The following FLNB variants were observed in gnomAD, a reference collection of about 807,000 sequenced individuals.
FLNB encodes the protein filamin B, also known as filamin-B.
In FLNB, 111 loss-of-function variants were observed where a neutral mutation model predicts 250.6. The observed-to-expected ratio is 0.44, with a 90% CI of 0.38 to 0.52. The LOEUF (loss-of-function observed/expected upper bound fraction) is 0.52. Among genes scored for constraint, FLNB ranks in the 20% least tolerant of loss-of-function variants. The probability of loss-of-function intolerance (pLI) is 0.00; values close to 1 mark genes in which losing one functional copy is unlikely to be tolerated. For missense variants in FLNB, 2,869 were observed against 3,447.8 expected (o/e 0.83, Z 4.20); for synonymous variants, 1,302 against 1,372.1 (o/e 0.95, Z 1.13).
intron 4 of FLNB, among the ~76,000 whole-genome samples, chr3:58,094,556 C>G (rs958947642): frequency 6.6e-6 from 1 of 152,262 alleles, no homozygotes; most frequent in Non-Finnish European, 1.5e-5. Context: ...TCAAGGCAAG[C>G]TCTGCTACTA....
At chr3:58,071,352 C>T (rs1334563536) in intron 1 of FLNB, among the ~76,000 whole-genome samples, 1 of 147,404 alleles carries the variant, frequency 6.8e-6, no homozygotes. Flanking sequence ...GATCTTGGCT[C>T]ACTGTAGCCT....
intron 16 of FLNB, among the ~76,000 whole-genome samples, chr3:58,111,457 C>A (rs904294882): frequency 6.6e-6 from 1 of 152,152 alleles, no homozygotes; most frequent in African/African-American, 2.4e-5. Flanking sequence ...ACATTTCCTT[C>A]CCCCAGCCCC....
At chr3:58,061,979 T>G (rs1362006125) in intron 1 of FLNB, among the ~76,000 whole-genome samples, 1 of 151,612 alleles carries the variant, frequency 6.6e-6, no homozygotes, top group Non-Finnish European at 1.5e-5. Context: ...TAATCCCAGC[T>G]ACTTGGGAGG....
Position 58,163,184 on chromosome 3 carries a change from A to G in FLNB, c.7052A>G (p.Glu2351Gly), listed in dbSNP as rs2097364533. 6.2e-7 allele frequency: 1 copy of G among 1,614,192 alleles called. No homozygotes were observed. The highest frequency in any genetic ancestry group is 2.2e-5 in the East Asian group (1 of 44,886). The change falls in exon 43 of 46, where the codon GAG becomes GGG. Residue 2351 changes from glutamate to glycine, a missense_variant. Glu to Gly is a moderately conservative substitution (Grantham distance 98). Around this residue, in one of 5 missense-constraint regions of FLNB, gnomAD observed 1,084 missense variants for 1,315.5 expected, o/e 0.82. Coordinates refer to ENST00000295956, the MANE Select transcript of FLNB (RefSeq NM_001457.4). ...TATGCTGTTCGCTTCATCCCTCATG[A>G]GAATGGTGTCCACACCATCGATGTC... Reference protein sequence around the residue: ...DKYAVRFIPHENGVHTIDVKF... With the variant: ...DKYAVRFIPHGNGVHTIDVKF...
In FLNB at chr3:58,094,912, C is replaced by A. The variant is rs141151998; in HGVS notation, c.864C>A (p.Asp288Glu). ...TVDTISAGQG[D>E]VMVFVEDPEG... ...ACACCATCAGCGCCGGGCAAGGAGA[C>A]GTGATGGTGTTTGTTGAGGACCCAG... is the stretch of plus-strand genomic sequence containing the variant. The change falls in exon 5 of 46, where the codon GAC becomes GAA. Residue 288 changes from aspartate to glutamate, a missense_variant. Coordinates refer to ENST00000295956, the MANE Select transcript of FLNB (RefSeq NM_001457.4). 10 of 1,614,106 alleles carry A rather than the reference C, an allele frequency of 6.2e-6. No homozygotes were observed. In the East Asian group the frequency reaches 2.2e-4, roughly 36 times the overall value.
At chr3:58,081,804 T>C in intron 4 of FLNB, 28 bp downstream of exon 4, 1 of 1,613,038 alleles carries the variant, frequency 6.2e-7, no homozygotes, top group East Asian at 2.2e-5. Flanking sequence ...GGTGTTGTAT[T>C]GGAGACATGT....
chr3:58,098,966 G>A, intron 8 of FLNB, 58 bp downstream of exon 8: 3 of 1,474,332 alleles, frequency 2.0e-6, no homozygotes, highest in Non-Finnish European at 2.8e-6. Context: ...CTGCACAGCT[G>A]GGCAGGGAGG....
chr3:58,041,477 G>A (rs2097145910), intron 1 of FLNB, among the ~76,000 whole-genome samples: 1 of 152,138 alleles, frequency 6.6e-6, no homozygotes, highest in Non-Finnish European at 1.5e-5. Context: ...AGGAGGTTGT[G>A]GCTGGACTCA....
intron 1 of FLNB, among the ~76,000 whole-genome samples, chr3:58,033,569 T>G (rs1226577666): frequency 6.6e-6 from 1 of 152,110 alleles, no homozygotes; most frequent in African/African-American, 2.4e-5. Flanking sequence ...TTTTTGTATT[T>G]TTAGTAAAGA....
At chr3:58,057,036 G>A (rs566965856) in intron 1 of FLNB, among the ~76,000 whole-genome samples, 118 of 152,306 alleles carry the variant, frequency 7.7e-4, no homozygotes, top group Non-Finnish European at 1.4e-3. Flanking sequence ...CTGGCGTGCA[G>A]TGGCATGAAC....
rs573739422 is a variant in FLNB, at chr3:58,142,638, T to A, written c.5182-12T>A. ...TCTGCTTTACCCAGTGACCACTGCC[T>A]TCTGTTTTTAGGTGACCGAAGAGGC... On this transcript the variant is annotated splice_polypyrimidine_tract_variant and intron_variant, in intron 30 of 45. Coordinates refer to ENST00000295956, the MANE Select transcript of FLNB (RefSeq NM_001457.4). This position sits in a 1 kb window ranked among gnomAD's most constrained non-coding sequence, Gnocchi z 4.3. The A allele has an allele frequency of 2.5e-6, 4 of 1,611,554 alleles. No homozygotes were observed. Among genetic ancestry groups the A allele is most frequent in the Non-Finnish European group, 3.4e-6 (4 of 1,177,914 alleles).
intron 1 of FLNB, among the ~76,000 whole-genome samples, chr3:58,067,734 T>C (rs996281353): frequency 1.8e-4 from 28 of 151,682 alleles, no homozygotes; most frequent in East Asian, 7.7e-4. Context: ...GTAGCTGGGG[T>C]TACAGGCGCC....
chr3:58,114,768 G>A (rs2097275070), intron 18 of FLNB, among the ~76,000 whole-genome samples: 1 of 151,338 alleles, frequency 6.6e-6, no homozygotes, highest in Non-Finnish European at 1.5e-5. Flanking sequence ...GTGTAAGATG[G>A]TGTCTTATTG....
At chr3:58,154,671 G>T in intron 39 of FLNB, 120 bp from the exon 40 acceptor site, 1 of 1,067,490 alleles carries the variant, frequency 9.4e-7, no homozygotes, top group Non-Finnish European at 1.4e-6. Flanking sequence ...GCTTGGGGTT[G>T]GAGAAAGAGG....
chr3:58,051,794 T>A (rs927687773), intron 1 of FLNB, among the ~76,000 whole-genome samples: 3 of 152,080 alleles, frequency 2.0e-5, no homozygotes, highest in African/African-American at 7.2e-5. Context: ...ATGCTTGAGA[T>A]AGGACCAAGG....
At chr3:58,015,940 G>A (rs1039805943) in intron 1 of FLNB, among the ~76,000 whole-genome samples, 2 of 152,258 alleles carry the variant, frequency 1.3e-5, no homozygotes, top group East Asian at 3.9e-4. Flanking sequence ...GAGTGTGTCA[G>A]TTTAGAGGTC....
chr3:58,152,852 G>A, intron 38 of FLNB: 5 of 705,842 alleles, frequency 7.1e-6, no homozygotes, highest in Non-Finnish European at 1.1e-5. Context: ...TCGTTGGCAT[G>A]ACGTGAGCAG....
Position 58,030,635 on chromosome 3 carries a change from A to G in FLNB, c.292+21779A>G, listed in dbSNP as rs116303600. Among the ~76,000 whole-genome samples the G allele has an allele frequency of 4.1e-3, 627 of 152,254 alleles. 4 individuals carry two copies. The highest frequency in any genetic ancestry group is 0.014 in the African/African-American group (588 of 41,544). On this transcript the variant is annotated intron_variant, in intron 1 of 45. Coordinates refer to ENST00000295956, the MANE Select transcript of FLNB (RefSeq NM_001457.4). ...ATGCCTGTAATCCCAGCACTTCATAATGCCAAGGTGGACAGATCACTTGAG... is the reference window on the plus strand; with the variant it reads ...ATGCCTGTAATCCCAGCACTTCATAGTGCCAAGGTGGACAGATCACTTGAG...
chr3:58,063,397 G>A (rs974417309), intron 1 of FLNB, among the ~76,000 whole-genome samples: 8 of 152,188 alleles, frequency 5.3e-5, no homozygotes, highest in Admixed American at 1.3e-4. Flanking sequence ...TGGGTGGGAC[G>A]TGTGTTTGGA....
Sources: allele counts gnomAD v4.1 joint callset (sites outside exome capture counted in the v4.1 genomes callset), GRCh38; gene constraint gnomAD v4.1.1; regional missense constraint gnomAD v4.1.1; non-coding constraint Gnocchi (gnomAD v3.1); transcripts MANE v1.5; gene names NCBI Gene and HGNC (gene_info 2026-07-23, HGNC 2026-07-21).